KANSL1: variants seen among roughly 807,000 people sequenced by gnomAD.
The protein encoded by KANSL1 is KAT8 regulatory NSL complex subunit 1.
Under a neutral mutation model 103.6 loss-of-function variants are expected in KANSL1, and 22 were observed. The observed-to-expected ratio is 0.21, with a 90% confidence interval of 0.15 to 0.30. The LOEUF is 0.30. Ranked by LOEUF, KANSL1 falls within the 10% of genes least tolerant of loss-of-function variation. The pLI, the probability that KANSL1 is intolerant of heterozygous loss-of-function variation, is 1.00. For missense variants in KANSL1, 1,337 were observed against 1,399.8 expected, an observed-to-expected ratio of 0.96 and a Z score of 0.72; for synonymous variants, 600 against 527.6, an observed-to-expected ratio of 1.14 and a Z score of -1.88.
At chr17:46,049,233 C>A (rs963703210) in intron 7 of KANSL1, among the ~76,000 whole-genome samples, 4 of 145,968 alleles carry the variant, frequency 2.7e-5, no homozygotes, top group African/African-American at 1.0e-4. Flanking sequence ...TCCCCACCAT[C>A]CAAGACCTTT....
intron 2 of KANSL1, among the ~76,000 whole-genome samples, chr17:46,099,071 C>A (rs1476403501): frequency 8.9e-6 from 1 of 112,870 alleles, no homozygotes; most frequent in Admixed American, 9.6e-5. Context: ...CGCTTGTAAT[C>A]CCAGCACTTT....
intron 1 of KANSL1, among the ~76,000 whole-genome samples, chr17:46,185,698 C>CATACACAT (rs1567781995): frequency 4.1e-4 from 44 of 107,840 alleles, no homozygotes; most frequent in Middle Eastern, 4.0e-3. Flanking sequence ...TATATACACA[C>CATACACAT]ACACACACAC....
intron 2 of KANSL1, among the ~76,000 whole-genome samples, chr17:46,141,140 G>C (rs960854221): frequency 1.3e-5 from 2 of 151,658 alleles, no homozygotes; most frequent in Admixed American, 6.6e-5. Context: ...ACAAAACTAA[G>C]TTATGTAAGA....
At chr17:46,079,575 G>A (rs528312636) in intron 4 of KANSL1, among the ~76,000 whole-genome samples, 3 of 152,322 alleles carry the variant, frequency 2.0e-5, no homozygotes, top group South Asian at 2.1e-4. Context: ...GTATGCTACT[G>A]AGTAATCATA....
chr17:46,213,036 TG>T (rs2048211564), intron 1 of KANSL1, among the ~76,000 whole-genome samples: 1 of 152,212 alleles, frequency 6.6e-6, no homozygotes, highest in Non-Finnish European at 1.5e-5. Flanking sequence ...AAACTTTCTG[TG>T]GAAAACCAGC....
At position 46,171,333 on chromosome 17, in the gene KANSL1, A is replaced by G; in HGVS notation, c.811T>C (p.Ser271Pro). 1.2e-6 allele frequency: 2 copies of G among 1,614,190 alleles called. No individual in the cohort carries two copies. Among genetic ancestry groups the G allele is most frequent in the Non-Finnish European group, 1.7e-6 (2 of 1,180,044 alleles). Reference protein sequence around the residue: ...VKLEGKKSPLSSILFSALDSD... With the variant: ...VKLEGKKSPLPSILFSALDSD... ...TCTAAAGCACTGAAAAGAATGGAAG[A>G]CAGGGGAGACTTTTTACCCTCCAAT... The change falls in exon 2 of 15, where the codon TCT becomes CCT. Residue 271 changes from serine (S) to proline (P), a missense_variant. This residue lies in a region of KANSL1 where 557 missense variants were observed against 476.4 expected (regional missense o/e 1.17). Coordinates refer to ENST00000432791, the MANE Select transcript of KANSL1 (RefSeq NM_015443.4).
intron 6 of KANSL1, among the ~76,000 whole-genome samples, chr17:46,063,711 A>C (rs1327573404): frequency 6.6e-6 from 1 of 152,168 alleles, no homozygotes; most frequent in Non-Finnish European, 1.5e-5. Flanking sequence ...TTATATGTAC[A>C]TTCAAAACTA....
intron 1 of KANSL1, among the ~76,000 whole-genome samples, chr17:46,179,517 A>T (rs1406709988): frequency 6.6e-6 from 1 of 152,220 alleles, no homozygotes; most frequent in Non-Finnish European, 1.5e-5. Context: ...TTTGCCCATA[A>T]TGTGGCTTCT....
intron 2 of KANSL1, among the ~76,000 whole-genome samples, chr17:46,121,646 T>C (rs1454683380): frequency 6.6e-6 from 1 of 152,154 alleles, no homozygotes; most frequent in Admixed American, 6.5e-5. Context: ...AAATATATAT[T>C]CTACTTTGTT....
At chr17:46,123,049 G>A (rs189053802) in intron 2 of KANSL1, among the ~76,000 whole-genome samples, 9 of 152,306 alleles carry the variant, frequency 5.9e-5, no homozygotes, top group Admixed American at 1.3e-4. Flanking sequence ...AGACACTTGC[G>A]GATGTTTTCT....
intron 1 of KANSL1, among the ~76,000 whole-genome samples, chr17:46,205,871 A>G (rs2047950625): frequency 6.6e-6 from 1 of 152,064 alleles, no homozygotes; most frequent in Non-Finnish European, 1.5e-5. Flanking sequence ...TGAGCGCAGA[A>G]GTTCAGGATC....
chr17:46,193,885 G>A (rs750070829), upstream of KANSL1: 10 of 156,210 alleles, frequency 6.4e-5, no homozygotes, highest in Non-Finnish European at 1.0e-4. Flanking sequence ...TAGTAAAGAG[G>A]GTAAGGCCGT....
intron 2 of KANSL1, among the ~76,000 whole-genome samples, chr17:46,105,947 AC>A (rs67725690): frequency 0.032 from 1,829 of 57,794 alleles, 83 homozygotes; most frequent in East Asian, 0.15. Context: ...ACACACACAC[AC>A]CCCCCCAGAA....
chr17:46,190,043 C>T (rs2047237486), intron 1 of KANSL1, among the ~76,000 whole-genome samples: 1 of 152,028 alleles, frequency 6.6e-6, no homozygotes. Context: ...TTACAGAGTA[C>T]ACAAATCAGG....
At position 46,171,931 on chromosome 17, in the gene KANSL1, G is replaced by A. The variant is rs1041951554; in HGVS notation, c.213C>T (p.Asp71=). 6.2e-7 allele frequency: 1 copy of A among 1,614,278 alleles called. No homozygotes were observed. The highest frequency in any genetic ancestry group is 1.7e-5 in the Admixed American group (1 of 60,034). The change falls in exon 2 of 15, where the codon GAC becomes GAT. Residue 71 remains aspartate (D), a synonymous_variant. Transcript: ENST00000432791. ...CCACCAGTGGTTGCAGCTTTCCCAA[G>A]TCTTCCTTGGTAGGATTATTTCGGA... The part of the protein sequence containing the change: ...LDFRNNPTKE[D]LGKLQPLVAS...
chr17:46,075,511 AT>A (rs2078733378), intron 4 of KANSL1, among the ~76,000 whole-genome samples: 1 of 152,068 alleles, frequency 6.6e-6, no homozygotes, highest in African/African-American at 2.4e-5. Context: ...TAATTTTTGT[AT>A]TTTTAGTAGA....
chr17:46,038,871 A>C, intron 9 of KANSL1, 156 bp downstream of exon 9: 1 of 1,137,394 alleles, frequency 8.8e-7, no homozygotes, highest in Non-Finnish European at 1.3e-6. Flanking sequence ...GTAGCAGTTA[A>C]GAAGTGACCT....
chr17:46,171,404 C>T lies in KANSL1; in HGVS notation c.740G>A (p.Arg247Lys), dbSNP rs1265436458. Residue 247 changes from arginine to lysine, a missense_variant, in exon 2 of 15, where the codon AGA becomes AAA. Around this residue, in one of 2 missense-constraint regions of KANSL1, gnomAD observed 557 missense variants for 476.4 expected, o/e 1.17. Coordinates refer to ENST00000432791, the MANE Select transcript of KANSL1 (RefSeq NM_015443.4). ...MEQPALQGSS[R>K]LSPGTDSSSN... ...GCTGGAGTCTGTACCAGGTGATAAT[C>T]TACTGCTTCCTTGAAGTGCCGGCTG... The T allele has an allele frequency of 1.1e-5, 17 of 1,614,046 alleles. No individual in the cohort carries two copies. Among genetic ancestry groups the T allele is most frequent in the Non-Finnish European group, 1.4e-5 (17 of 1,179,982 alleles).
At chr17:46,210,521 A>G (rs939281237) in intron 1 of KANSL1, among the ~76,000 whole-genome samples, 6 of 97,066 alleles carry the variant, frequency 6.2e-5, no homozygotes, top group African/African-American at 2.2e-4. Flanking sequence ...TGGCCACAGG[A>G]TGAGAACATT....
Sources: gnomAD v4.1 joint callset for allele counts (sites outside exome capture counted in the v4.1 genomes callset) on GRCh38, gnomAD v4.1.1 for gene constraint, gnomAD v4.1.1 regional missense constraint, MANE v1.5 for transcripts, NCBI Gene and HGNC (gene_info 2026-07-23, HGNC 2026-07-21) for gene names.